Variants in ANO2 observed in about 807,000 individuals in gnomAD.
ANO2 encodes anoctamin-2.
Under a neutral mutation model 124.2 loss-of-function variants are expected in ANO2, and 101 were observed. The ratio of observed to expected loss-of-function variants is 0.81; its 90% CI spans 0.69 to 0.96. The LOEUF is 0.96. Among genes scored for constraint, ANO2 ranks in the 40% least tolerant of loss-of-function variants. The pLI, the probability that ANO2 is intolerant of heterozygous loss-of-function variation, is 0.00. For missense variants in ANO2, 1,293 were observed against 1,274.5 expected (o/e 1.01, Z -0.22); for synonymous variants, 486 against 482.5 (o/e 1.01, Z -0.09).
chr12:5,907,578 A>G (rs116825127), intron 3 of ANO2, among the ~76,000 whole-genome samples: 1,723 of 152,302 alleles, frequency 0.011, 35 homozygotes, highest in African/African-American at 0.039. Flanking sequence ...CCACTCATCA[A>G]GCAGTTTCAT....
intron 20 of ANO2, among the ~76,000 whole-genome samples, chr12:5,590,551 CTTGT>C (rs1943344724): frequency 6.6e-6 from 1 of 152,200 alleles, no homozygotes; most frequent in Non-Finnish European, 1.5e-5. Flanking sequence ...CCTTCCCTGC[CTTGT>C]TTGAAGTCTC....
chr12:5,569,623 G>C (rs1941981305), intron 23 of ANO2, among the ~76,000 whole-genome samples: 1 of 152,116 alleles, frequency 6.6e-6, no homozygotes, highest in Admixed American at 6.5e-5. Flanking sequence ...TCCGAACCTA[G>C]GTCCCTGATC....
At chr12:5,685,807 C>CA (rs745970524) in intron 14 of ANO2, among the ~76,000 whole-genome samples, 1 of 151,906 alleles carries the variant, frequency 6.6e-6, no homozygotes, top group South Asian at 2.1e-4. Flanking sequence ...ACAAAAAACA[C>CA]AAAAAACACA....
At chr12:5,722,978 C>T (rs1260554089) in intron 14 of ANO2, among the ~76,000 whole-genome samples, 1 of 152,186 alleles carries the variant, frequency 6.6e-6, no homozygotes, top group African/African-American at 2.4e-5. Flanking sequence ...AACAAACAAC[C>T]TTGCCATGTA....
rs757753138 is a variant in ANO2, at chr12:5,578,316, C to T, written c.2386+50G>A. On this transcript the variant is annotated intron_variant, in intron 21 of 24. Transcript: ENST00000682330. ...GTGGTGTGACTGTGGCCAGAGGGGACAGAATGGCAGAAGGATGGGCCTGGT... is the reference window on the plus strand; with the variant it reads ...GTGGTGTGACTGTGGCCAGAGGGGATAGAATGGCAGAAGGATGGGCCTGGT... The T allele has an allele frequency of 7.5e-6, 12 of 1,590,934 alleles. No homozygotes were observed. The Admixed American group carries it at 1.9e-4, about 25-fold the overall frequency.
chr12:5,818,447 T>TTATATATATA (rs57443240), intron 7 of ANO2, among the ~76,000 whole-genome samples: 27 of 82,942 alleles, frequency 3.3e-4, no homozygotes, highest in African/African-American at 5.1e-4. Context: ...TAAACTCATA[T>TTATATATATA]TATATATATA....
intron 9 of ANO2, among the ~76,000 whole-genome samples, chr12:5,801,234 C>A (rs567394281): frequency 6.6e-6 from 1 of 152,188 alleles, no homozygotes; most frequent in Non-Finnish European, 1.5e-5. Context: ...ATTTCTGCAG[C>A]AACTTTAGCA....
At chr12:5,809,974 C>A (rs1953335003) in intron 7 of ANO2, among the ~76,000 whole-genome samples, 1 of 152,216 alleles carries the variant, frequency 6.6e-6, no homozygotes, top group African/African-American at 2.4e-5. Flanking sequence ...CTTTTACACT[C>A]CAGCTGATTG....
At chr12:5,766,203 T>A (rs1284065547) in intron 10 of ANO2, among the ~76,000 whole-genome samples, 1 of 152,132 alleles carries the variant, frequency 6.6e-6, no homozygotes, top group Non-Finnish European at 1.5e-5. Context: ...TACTCCCAAG[T>A]CTATGCCCAA....
At chr12:5,581,460 A>G (rs7977845) in intron 20 of ANO2, among the ~76,000 whole-genome samples, 66,009 of 151,962 alleles carry the variant, frequency 0.43, 16,243 homozygotes, top group African/African-American at 0.67. Flanking sequence ...GGGTTATAGG[A>G]AAAATGGGAC....
intron 16 of ANO2, among the ~76,000 whole-genome samples, chr12:5,629,010 G>A (rs991106151): frequency 2.0e-5 from 3 of 152,118 alleles, no homozygotes; most frequent in African/African-American, 4.8e-5. Context: ...GAGCATCTGG[G>A]GCAGTGACAC....
intron 4 of ANO2, among the ~76,000 whole-genome samples, chr12:5,843,506 C>T (rs1482410616): frequency 1.3e-5 from 2 of 151,774 alleles, no homozygotes; most frequent in South Asian, 2.1e-4. Context: ...GCCGAGATTG[C>T]GCCACTGCAC....
chr12:5,598,880 T>C (rs1391881609), intron 20 of ANO2, among the ~76,000 whole-genome samples: 2 of 152,210 alleles, frequency 1.3e-5, no homozygotes, highest in Non-Finnish European at 2.9e-5. Context: ...CTGTACTACA[T>C]GTGCTCCTGC....
chr12:5,652,706 T>C (rs539937081), intron 14 of ANO2, among the ~76,000 whole-genome samples: 1 of 152,246 alleles, frequency 6.6e-6, no homozygotes, highest in East Asian at 1.9e-4. Flanking sequence ...AGACTGAAGT[T>C]ATGCATTTGG....
At chr12:5,585,331 C>T (rs1456907393) in intron 20 of ANO2, among the ~76,000 whole-genome samples, 1 of 152,092 alleles carries the variant, frequency 6.6e-6, no homozygotes, top group Non-Finnish European at 1.5e-5. Context: ...ATGGATCGGG[C>T]CTGATTCAAA....
chr12:5,670,309 T>C (rs901452914), intron 14 of ANO2, among the ~76,000 whole-genome samples: 6 of 152,238 alleles, frequency 3.9e-5, no homozygotes, highest in African/African-American at 1.4e-4. Context: ...GCATCTGCTA[T>C]GTGTTAGATA....
rs540566281 is a variant in ANO2, at chr12:5,583,516, A to G, written c.2234-4998T>C. Among the ~76,000 whole-genome samples, 19 of 151,032 alleles carry G rather than the reference A, an allele frequency of 1.3e-4. No homozygotes were observed. The East Asian group carries it at 1.4e-3, about 11-fold the overall frequency. On this transcript the variant is annotated intron_variant, in intron 20 of 24. Coordinates refer to ENST00000682330, the MANE Select transcript of ANO2 (RefSeq NM_001364791.2). Reference sequence around the variant, plus strand: ...AAAATACAAAAAATTAGCCGGGCGCAGTGGCGGGCGCCTGTAGTCCCAGCT... The same window carrying G: ...AAAATACAAAAAATTAGCCGGGCGCGGTGGCGGGCGCCTGTAGTCCCAGCT...
At chr12:5,647,681 T>A (rs771385692) in intron 15 of ANO2, 46 bp downstream of exon 15, 1 of 1,390,214 alleles carries the variant, frequency 7.2e-7, no homozygotes, top group Non-Finnish European at 1.0e-6. Context: ...CATAACAGCA[T>A]CTACATGCAT....
At chr12:5,605,185 C>T (rs1044242679) in intron 19 of ANO2, among the ~76,000 whole-genome samples, 1 of 152,136 alleles carries the variant, frequency 6.6e-6, no homozygotes, top group Non-Finnish European at 1.5e-5. Flanking sequence ...CACTTCTAAG[C>T]TATGTATTCC....
Sources: gnomAD v4.1 joint callset for allele counts (sites outside exome capture counted in the v4.1 genomes callset) on GRCh38, gnomAD v4.1.1 for gene constraint, MANE v1.5 for transcripts, NCBI Gene and HGNC (gene_info 2026-07-23, HGNC 2026-07-21) for gene names.